Variants in ARHGAP10 observed in about 807,000 individuals in gnomAD.
The protein encoded by ARHGAP10 is rho GTPase-activating protein 10.
ARHGAP10 carries 87 observed loss-of-function variants against 108.6 expected under a neutral mutation model. That is an observed-to-expected ratio of 0.80 (90% confidence interval 0.67 to 0.96). ARHGAP10 has a LOEUF of 0.96. ARHGAP10 is among the 40% of genes least tolerant of loss of function. The pLI is 0.00. For missense variants in ARHGAP10, 939 were observed against 954.5 expected, an observed-to-expected ratio of 0.98 and a Z score of 0.21; for synonymous variants, 347 against 341.1, an observed-to-expected ratio of 1.02 and a Z score of -0.19.
At chr4:147,827,260 A>G (rs1380179718) in intron 3 of ARHGAP10, among the ~76,000 whole-genome samples, 1 of 151,836 alleles carries the variant, frequency 6.6e-6, no homozygotes, top group Admixed American at 6.6e-5. Context: ...AACATAACTG[A>G]TGCATTGCAG....
intron 4 of ARHGAP10, among the ~76,000 whole-genome samples, chr4:147,850,247 G>A (rs1404736373): frequency 6.6e-6 from 1 of 152,224 alleles, no homozygotes; most frequent in Non-Finnish European, 1.5e-5. Context: ...TCAGCGCTCT[G>A]TAAAATGAAC....
chr4:148,020,751 A>G (rs1166663667), intron 18 of ARHGAP10, among the ~76,000 whole-genome samples: 1 of 152,128 alleles, frequency 6.6e-6, no homozygotes, highest in Non-Finnish European at 1.5e-5. Flanking sequence ...GCTGCAGCAA[A>G]CATACTCGTG....
rs141610829 is a variant in ARHGAP10 at position 147,886,371 on chromosome 4, C to T, written c.1034+4439C>T. 2.3e-3 allele frequency among the ~76,000 whole-genome samples: 353 copies of T among 152,264 alleles called. 3 individuals carry two copies. Among genetic ancestry groups the T allele is most frequent in the Non-Finnish European group, 8.2e-4 (56 of 68,028 alleles). On this transcript the variant is annotated intron_variant, in intron 10 of 22. Coordinates refer to ENST00000336498, the MANE Select transcript of ARHGAP10 (RefSeq NM_024605.4). ...TTTACCGTACCTCAGCCATTCTCTC[C>T]GGTGTTCATTCCTTAGACTTTGTCA...
chr4:148,066,034 A>C (rs1356532846), intron 22 of ARHGAP10, among the ~76,000 whole-genome samples: 2 of 150,718 alleles, frequency 1.3e-5, no homozygotes, highest in Non-Finnish European at 3.0e-5. Flanking sequence ...GTAAGTGTGG[A>C]AGTAGGGAGC....
At chr4:147,733,251 T>C (rs1163990057) in intron 1 of ARHGAP10, among the ~76,000 whole-genome samples, 1 of 152,008 alleles carries the variant, frequency 6.6e-6, no homozygotes, top group Non-Finnish European at 1.5e-5. Context: ...TATTTTAGTG[T>C]AGTTGAGGAG....
At chr4:147,944,828 A>G (rs2126968426) in intron 14 of ARHGAP10, among the ~76,000 whole-genome samples, 1 of 152,308 alleles carries the variant, frequency 6.6e-6, no homozygotes, top group Non-Finnish European at 1.5e-5. Context: ...ATGGCTCAAT[A>G]TCATTCGTCG....
At chr4:147,872,099 CAAAAAAA>C (rs36205660) in intron 7 of ARHGAP10, among the ~76,000 whole-genome samples, 12,941 of 70,060 alleles carry the variant, frequency 0.18, 595 homozygotes, top group East Asian at 0.27. Context: ...GAGACTCGGT[CAAAAAAA>C]AAAAAAAAAA....
intron 20 of ARHGAP10, among the ~76,000 whole-genome samples, chr4:148,047,746 A>G (rs1728951048): frequency 6.6e-6 from 1 of 152,232 alleles, no homozygotes; most frequent in African/African-American, 2.4e-5. Flanking sequence ...AAACTCCAAT[A>G]ATAATTACAA....
chr4:147,764,774 A>G (rs1435100676), intron 1 of ARHGAP10, among the ~76,000 whole-genome samples: 2 of 152,106 alleles, frequency 1.3e-5, no homozygotes, highest in African/African-American at 4.8e-5. Flanking sequence ...GCCTCAAGTG[A>G]TCCACGTGCC....
At chr4:147,918,610 C>A (rs1737093651) in intron 13 of ARHGAP10, among the ~76,000 whole-genome samples, 1 of 152,116 alleles carries the variant, frequency 6.6e-6, no homozygotes, top group African/African-American at 2.4e-5. Context: ...GTTGGCCATC[C>A]CTGGTCTGGA....
At chr4:147,956,776 C>CT (rs1738803004) in intron 16 of ARHGAP10, among the ~76,000 whole-genome samples, 1 of 139,904 alleles carries the variant, frequency 7.1e-6, no homozygotes, top group Non-Finnish European at 1.5e-5. Flanking sequence ...TATTATTATA[C>CT]TTTAAGTTTT....
rs745622316 is a variant in ARHGAP10, at chr4:147,939,878, A to C, written c.1282A>C (p.Arg428=). 3.1e-6 allele frequency: 5 copies of C among 1,613,982 alleles called. No individual in the cohort carries two copies. Among genetic ancestry groups the C allele is most frequent in the South Asian group, 1.1e-5 (1 of 91,064 alleles). Residue 428 remains arginine, a synonymous_variant, in exon 14 of 23, where the codon AGA becomes CGA. Transcript: ENST00000336498. ...TGTGGGGGTGAGTTCAAAGGTCCAG[A>C]GACTTCTGAGTATGTTGATGGGTAT... ...RVVGVSSKVQ[R]LLSMLMDVKT... is the part of the protein sequence containing the mutation.
intron 18 of ARHGAP10, among the ~76,000 whole-genome samples, chr4:148,022,096 G>A (rs1323360673): frequency 1.3e-5 from 2 of 152,128 alleles, no homozygotes; most frequent in African/African-American, 2.4e-5. Flanking sequence ...CGAAGGTTGT[G>A]TACCACTTTT....
chr4:148,036,266 T>G (rs1728374455), intron 19 of ARHGAP10, among the ~76,000 whole-genome samples: 1 of 152,200 alleles, frequency 6.6e-6, no homozygotes, highest in Non-Finnish European at 1.5e-5. Context: ...CTTATCTGTT[T>G]GGTGCCTCTG....
At chr4:147,785,915 C>A (rs1730871673) in intron 1 of ARHGAP10, among the ~76,000 whole-genome samples, 1 of 152,072 alleles carries the variant, frequency 6.6e-6, no homozygotes, top group African/African-American at 2.4e-5. Context: ...AATTTGTCAC[C>A]AAATACATTT....
At chr4:148,034,692 G>A (rs1728299281) in intron 19 of ARHGAP10, among the ~76,000 whole-genome samples, 1 of 152,106 alleles carries the variant, frequency 6.6e-6, no homozygotes, top group Non-Finnish European at 1.5e-5. Context: ...GAGGACAGGT[G>A]AAAAGCAAGG....
At chr4:147,750,613 TTG>T (rs1729098641) in intron 1 of ARHGAP10, among the ~76,000 whole-genome samples, 1 of 151,824 alleles carries the variant, frequency 6.6e-6, no homozygotes, top group Non-Finnish European at 1.5e-5. Flanking sequence ...TTTTTTTTTT[TTG>T]GGGGGGGTTG....
At chr4:147,765,119 T>C (rs994249964) in intron 1 of ARHGAP10, among the ~76,000 whole-genome samples, 3 of 152,216 alleles carry the variant, frequency 2.0e-5, no homozygotes, top group African/African-American at 7.2e-5. Context: ...TGATGGACCA[T>C]GTTGGACAGG....
At chr4:147,927,500 A>G (rs1369959) in intron 13 of ARHGAP10, among the ~76,000 whole-genome samples, 1 of 152,214 alleles carries the variant, frequency 6.6e-6, no homozygotes, top group South Asian at 2.1e-4. Flanking sequence ...TTTTTGGAGT[A>G]TATCACACTC....
Sources: gnomAD v4.1 joint callset for allele counts (sites outside exome capture counted in the v4.1 genomes callset) on GRCh38, gnomAD v4.1.1 for gene constraint, MANE v1.5 for transcripts, NCBI Gene and HGNC (gene_info 2026-07-23, HGNC 2026-07-21) for gene names.